PALM2AKAP2: variants seen among roughly 807,000 people sequenced by gnomAD.
PALM2AKAP2 encodes the protein PALM2-AKAP2 fusion protein.
Under a neutral mutation model 71.5 loss-of-function variants are expected in PALM2AKAP2, and 37 were observed. That is an observed-to-expected ratio of 0.52 (90% confidence interval 0.40 to 0.68). The LOEUF (loss-of-function observed/expected upper bound fraction) is 0.68, where lower values mean the gene tolerates loss of function less well. Ranked by LOEUF, PALM2AKAP2 falls within the 30% of genes least tolerant of loss-of-function variation. The probability of loss-of-function intolerance (pLI) is 0.00; values close to 1 mark genes in which losing one functional copy is unlikely to be tolerated. For missense variants in PALM2AKAP2, 1,224 were observed against 1,191.8 expected (o/e 1.03, Z -0.40); for synonymous variants, 468 against 478.8 (o/e 0.98, Z 0.29).
At chr9:109,941,259 C>G (rs891230022) in intron 6 of PALM2AKAP2, among the ~76,000 whole-genome samples, 1 of 151,360 alleles carries the variant, frequency 6.6e-6, no homozygotes, top group African/African-American at 2.4e-5. Flanking sequence ...CCTCTGGCCA[C>G]AGTTTGCAGT....
intron 6 of PALM2AKAP2, among the ~76,000 whole-genome samples, chr9:109,994,626 G>A (rs897513793): frequency 1.3e-5 from 2 of 152,112 alleles, no homozygotes; most frequent in Admixed American, 6.5e-5. Flanking sequence ...CCAGTCCCTG[G>A]ACTCCATCCT....
At chr9:109,995,848 C>A (rs1394754077) in intron 6 of PALM2AKAP2, among the ~76,000 whole-genome samples, 1 of 152,160 alleles carries the variant, frequency 6.6e-6, no homozygotes, top group African/African-American at 2.4e-5. Context: ...GAATGGAAGA[C>A]AGATCTGAGC....
intron 1 of PALM2AKAP2, among the ~76,000 whole-genome samples, chr9:109,790,607 C>A (rs1212792386): frequency 6.6e-6 from 1 of 152,162 alleles, no homozygotes; most frequent in African/African-American, 2.4e-5. Context: ...CTGCATGTCA[C>A]ATGAGAAAGA....
chr9:109,902,986 T>C (rs1830363153), intron 3 of PALM2AKAP2, among the ~76,000 whole-genome samples: 1 of 152,108 alleles, frequency 6.6e-6, no homozygotes, highest in Non-Finnish European at 1.5e-5. Context: ...ATTGCTGAGA[T>C]GACAGAGGCC....
At chr9:109,908,414 C>G (rs1425790568) in intron 3 of PALM2AKAP2, among the ~76,000 whole-genome samples, 2 of 152,198 alleles carry the variant, frequency 1.3e-5, no homozygotes, top group African/African-American at 4.8e-5. Context: ...ACAAGCAGAC[C>G]TGGGTTTGAA....
chr9:109,970,622 G>A (rs1489304569), intron 6 of PALM2AKAP2, among the ~76,000 whole-genome samples: 13 of 152,352 alleles, frequency 8.5e-5, no homozygotes, highest in Non-Finnish European at 1.2e-4. Context: ...GGGGCAGGCT[G>A]CCTGGTGATA....
chr9:109,986,507 A>G (rs1832381986), intron 6 of PALM2AKAP2, among the ~76,000 whole-genome samples: 1 of 152,028 alleles, frequency 6.6e-6, no homozygotes, highest in African/African-American at 2.4e-5. Context: ...CTTTCTCAAC[A>G]TTTTCTCTGA....
At chr9:110,006,056 C>G (rs1832775153) in intron 6 of PALM2AKAP2, among the ~76,000 whole-genome samples, 1 of 152,170 alleles carries the variant, frequency 6.6e-6, no homozygotes, top group Non-Finnish European at 1.5e-5. Flanking sequence ...CCAACAATCC[C>G]CAGTGAGATT....
chr9:109,746,589 T>A (rs1828805668), intron 1 of PALM2AKAP2, among the ~76,000 whole-genome samples: 2 of 152,254 alleles, frequency 1.3e-5, no homozygotes, highest in South Asian at 4.1e-4. Context: ...TAAAGAAGTG[T>A]CCTCACACTC....
chr9:109,709,641 G>T (rs1462165505), intron 1 of PALM2AKAP2, among the ~76,000 whole-genome samples: 9 of 152,146 alleles, frequency 5.9e-5, no homozygotes. Flanking sequence ...GCTGTCAGGG[G>T]CCCAGGCATG....
intron 1 of PALM2AKAP2, among the ~76,000 whole-genome samples, chr9:109,839,618 A>G (rs886081768): frequency 6.6e-6 from 1 of 152,222 alleles, no homozygotes; most frequent in Non-Finnish European, 1.5e-5. Flanking sequence ...AGATGACATG[A>G]TTGTACATTT....
chr9:110,063,439 A>ATT (rs35944774), intron 1 of PALM2AKAP2, among the ~76,000 whole-genome samples: 8 of 131,236 alleles, frequency 6.1e-5, no homozygotes, highest in East Asian at 2.2e-4. Flanking sequence ...CCAAATTTCT[A>ATT]TTTTTTTTTT....
At chr9:109,851,197 CAACAACAACAACAAAAAAA>C (rs1564179613) in intron 1 of PALM2AKAP2, among the ~76,000 whole-genome samples, 2 of 46,262 alleles carry the variant, frequency 4.3e-5, no homozygotes, top group Non-Finnish European at 8.2e-5. Context: ...ACAACAACAA[CAACAACAACAACAAAAAAA>C]AAAAAACACT....
chr9:109,925,256 C>G (rs1176911213), intron 5 of PALM2AKAP2, among the ~76,000 whole-genome samples, 174 bp downstream of exon 5: 2 of 152,318 alleles, frequency 1.3e-5, no homozygotes, highest in South Asian at 4.1e-4. Context: ...CCTTCCCTGC[C>G]TCTCTTCTTC....
chr9:109,851,141 C>G (rs1829000143), intron 1 of PALM2AKAP2, among the ~76,000 whole-genome samples: 1 of 151,728 alleles, frequency 6.6e-6, no homozygotes, highest in African/African-American at 2.4e-5. Flanking sequence ...AGCGCCACTG[C>G]ACTCCAGCCT....
intron 1 of PALM2AKAP2, among the ~76,000 whole-genome samples, chr9:110,052,252 GT>G (rs1668906619): frequency 6.6e-6 from 1 of 152,150 alleles, no homozygotes; most frequent in South Asian, 2.1e-4. Context: ...CAGAATTTCT[GT>G]AAAGCTAAAA....
chr9:109,903,265 C>T (rs369415778), intron 3 of PALM2AKAP2, among the ~76,000 whole-genome samples: 11 of 152,080 alleles, frequency 7.2e-5, no homozygotes, highest in African/African-American at 2.4e-4. Flanking sequence ...ACATCAGCAC[C>T]GAGACTGGCC....
intron 1 of PALM2AKAP2, among the ~76,000 whole-genome samples, chr9:110,130,497 A>T (rs1835709839): frequency 6.6e-6 from 1 of 152,240 alleles, no homozygotes; most frequent in African/African-American, 2.4e-5. Context: ...AGGCGACTTT[A>T]GTTGCAGCCT....
At chr9:109,829,455 A>C (rs1416057427) in intron 1 of PALM2AKAP2, among the ~76,000 whole-genome samples, 1 of 152,164 alleles carries the variant, frequency 6.6e-6, no homozygotes, top group African/African-American at 2.4e-5. Context: ...AGAGCCCAGC[A>C]CATAGTAGTT....
Sources: allele counts gnomAD v4.1 joint callset (sites outside exome capture counted in the v4.1 genomes callset), GRCh38; gene constraint gnomAD v4.1.1; transcripts MANE v1.5; gene names NCBI Gene and HGNC (gene_info 2026-07-23, HGNC 2026-07-21).